Variants in DAB1 observed in about 807,000 individuals in gnomAD.
DAB1 encodes disabled homolog 1.
Under a neutral mutation model 64.6 loss-of-function variants are expected in DAB1, and 15 were observed. The observed-to-expected ratio is 0.23, with a 90% CI of 0.16 to 0.36. The LOEUF is 0.36. Ranked by LOEUF, DAB1 falls within the 10% of genes least tolerant of loss-of-function variation. DAB1 has a pLI of 1.00. For missense variants in DAB1, 596 were observed against 706.7 expected (o/e 0.84, Z 1.78); for synonymous variants, 235 against 251.9 (o/e 0.93, Z 0.64).
intron 1 of DAB1, among the ~76,000 whole-genome samples, chr1:57,850,674 C>T (rs1467364141): frequency 6.6e-6 from 1 of 152,204 alleles, no homozygotes; most frequent in Non-Finnish European, 1.5e-5. Flanking sequence ...GGCTGGACCC[C>T]TTCCATCTTA....
At chr1:57,779,861 A>G (rs531354416) in intron 6 of DAB1, among the ~76,000 whole-genome samples, 51 of 152,270 alleles carry the variant, frequency 3.3e-4, no homozygotes, top group Middle Eastern at 3.4e-3. Flanking sequence ...CAGTTTTTCC[A>G]TGGATACTAG....
At chr1:57,783,918 CTTCTCCA>C (rs1284181395) in intron 6 of DAB1, among the ~76,000 whole-genome samples, 1 of 152,282 alleles carries the variant, frequency 6.6e-6, no homozygotes, top group East Asian at 1.9e-4. Flanking sequence ...TCTCTTCAGG[CTTCTCCA>C]TTTCCCAAGA....
intron 12 of DAB1, 97 bp from the exon 13 acceptor site, chr1:57,011,369 A>G: frequency 1.5e-6 from 2 of 1,374,028 alleles, no homozygotes; most frequent in Non-Finnish European, 1.0e-6. Context: ...TTGAAGTCAA[A>G]TCTTAGGATT....
At chr1:57,149,009 C>T (rs146801954) in intron 2 of DAB1, among the ~76,000 whole-genome samples, 1 of 152,324 alleles carries the variant, frequency 6.6e-6, no homozygotes, top group African/African-American at 2.4e-5. Flanking sequence ...TCCCTATCTT[C>T]CCATTCCCTC....
At chr1:57,911,629 AGCCACCAGTAC>A (rs1310250875) in intron 5 of DAB1, among the ~76,000 whole-genome samples, 1 of 152,128 alleles carries the variant, frequency 6.6e-6, no homozygotes, top group Non-Finnish European at 1.5e-5. Context: ...TCTCATCACC[AGCCACCAGTAC>A]TCCTCAGACG....
chr1:57,488,649 C>G (rs951672341), intron 7 of DAB1, among the ~76,000 whole-genome samples: 1 of 151,666 alleles, frequency 6.6e-6, no homozygotes, highest in Non-Finnish European at 1.5e-5. Context: ...GCACTCCAGC[C>G]TGGGCAACAA....
chr1:58,128,315 C>G (rs1653276571), intron 5 of DAB1, among the ~76,000 whole-genome samples: 3 of 149,352 alleles, frequency 2.0e-5, no homozygotes, highest in Non-Finnish European at 3.0e-5. Flanking sequence ...ATTTTGTATC[C>G]TGAGACTTTG....
chr1:57,286,848 G>C (rs577677205), intron 2 of DAB1, among the ~76,000 whole-genome samples: 35 of 151,718 alleles, frequency 2.3e-4, no homozygotes, highest in Non-Finnish European at 3.8e-4. Context: ...AACCCACCAG[G>C]GTGTAGAAAA....
intron 4 of DAB1, among the ~76,000 whole-genome samples, chr1:58,306,230 G>A (rs1012217098): frequency 6.6e-6 from 1 of 152,122 alleles, no homozygotes; most frequent in Non-Finnish European, 1.5e-5. Flanking sequence ...AAACAAGCTA[G>A]GTTTGATTAG....
intron 4 of DAB1, among the ~76,000 whole-genome samples, chr1:57,097,864 G>A (rs551881161): frequency 8.0e-4 from 121 of 151,954 alleles, no homozygotes; most frequent in Admixed American, 7.0e-3. Context: ...TGCAAGCTCC[G>A]CCTCCCGGGT....
chr1:57,447,404 T>G (rs1686182173), intron 7 of DAB1, among the ~76,000 whole-genome samples: 1 of 152,192 alleles, frequency 6.6e-6, no homozygotes, highest in African/African-American at 2.4e-5. Flanking sequence ...GAGATCCTTG[T>G]GCAGACTTAT....
At chr1:58,500,461 G>T (rs1645888755) in intron 3 of DAB1, among the ~76,000 whole-genome samples, 2 of 152,128 alleles carry the variant, frequency 1.3e-5, no homozygotes, top group African/African-American at 4.8e-5. Context: ...TTATAAACGT[G>T]TAAGAATGAT....
chr1:57,784,411 C>CAAAA (rs547703899), intron 6 of DAB1, among the ~76,000 whole-genome samples: 160 of 151,806 alleles, frequency 1.1e-3, no homozygotes, highest in Admixed American at 9.8e-3. Flanking sequence ...AACAAACAAA[C>CAAAA]AAAAAAAGCT....
intron 1 of DAB1, among the ~76,000 whole-genome samples, chr1:57,858,530 GAA>G (rs139312347): frequency 6.7e-6 from 1 of 149,630 alleles, no homozygotes; most frequent in Non-Finnish European, 1.5e-5. Flanking sequence ...AGATTTAACA[GAA>G]AAAAAAAGCC....
intron 6 of DAB1, among the ~76,000 whole-genome samples, chr1:57,778,292 T>C (rs772123088): frequency 1.3e-5 from 2 of 151,970 alleles, no homozygotes; most frequent in Non-Finnish European, 2.9e-5. Context: ...TTTGAAATTA[T>C]GTTCTGCTAC....
rs1447741565 is a variant in DAB1 at position 57,053,688 on chromosome 1, A to ATATATATTT, written c.723+9195_723+9196insAAATATATA. 1.9e-3 allele frequency among the ~76,000 whole-genome samples: 135 copies of ATATATATTT among 71,390 alleles called. 1 individual carries two copies. Among genetic ancestry groups the ATATATATTT allele is most frequent in the East Asian group, 5.1e-3 (14 of 2,762 alleles). 46.8% of individuals were successfully genotyped at this position (71,390 alleles called of 152,430 possible). A position where few individuals can be genotyped will look rare whatever the true frequency, so the allele number is the denominator to read the frequency against. On this transcript the variant is annotated intron_variant, in intron 9 of 14. Coordinates refer to ENST00000371236, the MANE Select transcript of DAB1 (RefSeq NM_001365792.1). ...TATGTATATATATATATATATATATATTTTTTTTTTTTTTTTTGAGACGGA... is the reference window on the plus strand; with the variant it reads ...TATGTATATATATATATATATATATATATATATTTTTTTTTTTTTTTTTTTTGAGACGGA...
chr1:57,237,974 T>G (rs1283665212), intron 2 of DAB1, among the ~76,000 whole-genome samples: 2 of 151,994 alleles, frequency 1.3e-5, no homozygotes, highest in African/African-American at 4.8e-5. Flanking sequence ...GGCAAGAAGA[T>G]GGGGAACCAA....
At chr1:57,654,373 A>G (rs529010506) in intron 6 of DAB1, among the ~76,000 whole-genome samples, 1 of 152,220 alleles carries the variant, frequency 6.6e-6, no homozygotes, top group Admixed American at 6.5e-5. Context: ...CCAGAAGGCG[A>G]CATTTAGTAA....
chr1:57,301,714 A>G (rs1673675338), intron 1 of DAB1, among the ~76,000 whole-genome samples: 1 of 152,198 alleles, frequency 6.6e-6, no homozygotes, highest in Non-Finnish European at 1.5e-5. Flanking sequence ...AGAGAACAGA[A>G]CCGACACCTG....
Sources: gnomAD v4.1 joint callset for allele counts (sites outside exome capture counted in the v4.1 genomes callset) on GRCh38, gnomAD v4.1.1 for gene constraint, MANE v1.5 for transcripts, NCBI Gene and HGNC (gene_info 2026-07-23, HGNC 2026-07-21) for gene names.